MSI2: variants seen among roughly 807,000 people sequenced by gnomAD.
MSI2 encodes the protein musashi RNA binding protein 2.
Under a neutral mutation model 45.6 loss-of-function variants are expected in MSI2, and 17 were observed. The ratio of observed to expected loss-of-function variants is 0.37; its 90% CI spans 0.26 to 0.56. The LOEUF (loss-of-function observed/expected upper bound fraction) is 0.56, where lower values mean the gene tolerates loss of function less well. MSI2 is among the 20% of genes least tolerant of loss of function. The pLI, the probability that MSI2 is intolerant of heterozygous loss-of-function variation, is 0.77. For synonymous variants in MSI2, 156 were observed against 158.2 expected, an observed-to-expected ratio of 0.99 and a Z score of 0.11; for missense variants, 293 against 444.2, an observed-to-expected ratio of 0.66 and a Z score of 3.06.
At chr17:57,516,471 A>G (rs1176443130) in intron 6 of MSI2, among the ~76,000 whole-genome samples, 1 of 152,192 alleles carries the variant, frequency 6.6e-6, no homozygotes, top group African/African-American at 2.4e-5. Flanking sequence ...ATTGCATCAC[A>G]GTACATCAAG....
In MSI2 at chr17:57,652,033, C is replaced by T. The variant is rs1035129343; in HGVS notation, c.728-66C>T. The stretch of plus-strand genomic sequence containing the variant: ...GGGCGGGGGGTTGTGTGGCCCGTGA[C>T]CTAGGTCTGTGCCTGGCCCTTTCAA... On this transcript the variant is annotated intron_variant, in intron 10 of 13. Transcript: ENST00000284073. The surrounding 1 kb of genome is among the most constrained non-coding windows in gnomAD (Gnocchi z 4.1). The T allele has an allele frequency of 6.7e-6, 10 of 1,500,982 alleles. No homozygotes were observed. In the African/African-American group the frequency reaches 1.4e-4, roughly 21 times the overall value. The allele number at this position is 1,500,982 out of a possible 1,614,324, so 93.0% of individuals were successfully genotyped here. A position where few individuals can be genotyped will look rare whatever the true frequency, so the allele number is the denominator to read the frequency against.
At chr17:57,531,463 C>G (rs1219160960) in intron 7 of MSI2, among the ~76,000 whole-genome samples, 1 of 152,206 alleles carries the variant, frequency 6.6e-6, no homozygotes, top group East Asian at 1.9e-4. Context: ...AGCAGGGTCT[C>G]AGGACTATTG....
At chr17:57,276,185 A>C (rs973122198) in intron 5 of MSI2, among the ~76,000 whole-genome samples, 3 of 152,192 alleles carry the variant, frequency 2.0e-5, no homozygotes, top group African/African-American at 7.2e-5. Flanking sequence ...TTCTTGCCAC[A>C]ATCATTTTAA....
chr17:57,304,701 G>A (rs1911736629), intron 5 of MSI2, among the ~76,000 whole-genome samples: 1 of 152,120 alleles, frequency 6.6e-6, no homozygotes, highest in African/African-American at 2.4e-5. Context: ...TGGGATTACA[G>A]GTGTGAGCCA....
intron 6 of MSI2, among the ~76,000 whole-genome samples, chr17:57,434,640 AAGTG>A (rs2084659018): frequency 1.3e-5 from 2 of 152,244 alleles, no homozygotes; most frequent in South Asian, 4.2e-4. Flanking sequence ...TTCCACATGT[AAGTG>A]AGATCATGTA....
At chr17:57,291,402 C>G (rs1910405985) in intron 5 of MSI2, among the ~76,000 whole-genome samples, 1 of 152,118 alleles carries the variant, frequency 6.6e-6, no homozygotes, top group South Asian at 2.1e-4. Flanking sequence ...TAATACCGAG[C>G]AATAAATAAC....
chr17:57,576,729 G>A (rs1290217817), intron 7 of MSI2, among the ~76,000 whole-genome samples: 8 of 150,282 alleles, frequency 5.3e-5, no homozygotes, highest in African/African-American at 1.5e-4. Flanking sequence ...CTCCAGCCTG[G>A]GTGACAGAGC....
At chr17:57,267,635 A>C (rs1305823833) in intron 5 of MSI2, 1 of 151,508 alleles carries the variant, frequency 6.6e-6, no homozygotes, top group African/African-American at 2.4e-5. Context: ...GGGGAGATGT[A>C]GTTCATCATC....
At chr17:57,377,453 C>A (rs1037749352) in intron 5 of MSI2, among the ~76,000 whole-genome samples, 7 of 152,212 alleles carry the variant, frequency 4.6e-5, no homozygotes, top group Admixed American at 1.3e-4. Context: ...ATTTGGGGCT[C>A]TGCCCAGGTG....
At chr17:57,410,605 A>T (rs1410135305) in intron 6 of MSI2, among the ~76,000 whole-genome samples, 1 of 149,022 alleles carries the variant, frequency 6.7e-6, no homozygotes, top group African/African-American at 2.5e-5. Flanking sequence ...AAAAAAAAAG[A>T]AAAGAAAACC....
chr17:57,509,794 T>G lies in MSI2; in HGVS notation c.406-19882T>G, dbSNP rs187593167. Among the ~76,000 whole-genome samples the G allele has an allele frequency of 9.8e-4, 149 of 152,188 alleles. 1 individual carries two copies. Among genetic ancestry groups the G allele is most frequent in the African/African-American group, 3.4e-3 (141 of 41,424 alleles). The stretch of plus-strand genomic sequence containing the variant: ...CAAGCAAATGCAGTCCCCCCATGAT[T>G]AATTCAGTTGTCTCTACCACATGAC... On this transcript the variant is annotated intron_variant, in intron 6 of 13. Coordinates refer to ENST00000284073, the MANE Select transcript of MSI2 (RefSeq NM_138962.4).
chr17:57,626,333 C>T (rs1415815158), intron 9 of MSI2: 2 of 152,186 alleles, frequency 1.3e-5, no homozygotes, highest in African/African-American at 4.8e-5. Flanking sequence ...CTGAATCAGG[C>T]AGGGACTTGA....
In MSI2 at chr17:57,584,955, T is replaced by C. The variant is rs148269464; in HGVS notation, c.455-11913T>C. ...TACTCAGCCTCCTGAGTAGCTGGGA[T>C]TACAGTCATGCGCCACCACTCCTGG... On this transcript the variant is annotated intron_variant, in intron 7 of 13. Coordinates refer to ENST00000284073, the MANE Select transcript of MSI2 (RefSeq NM_138962.4). Among the ~76,000 whole-genome samples the C allele has an allele frequency of 5.8e-3, 885 of 152,078 alleles. 8 individuals carry two copies. The highest frequency in any genetic ancestry group is 0.02 in the African/African-American group (847 of 41,458).
the MSI2 span, among the ~76,000 whole-genome samples, chr17:57,698,819 GCATA>G: frequency 0.022 from 3,318 of 151,884 alleles, 57 homozygotes; most frequent in Non-Finnish European, 0.029. Context: ...CCCCTCAGCA[GCATA>G]GTTCCTCTCC....
chr17:57,391,669 G>A (rs1351443985), intron 5 of MSI2, among the ~76,000 whole-genome samples: 1 of 152,112 alleles, frequency 6.6e-6, no homozygotes, highest in Non-Finnish European at 1.5e-5. Flanking sequence ...GGAGTGACAG[G>A]CACAGATGGA....
At chr17:57,301,143 T>C (rs1021982535) in intron 5 of MSI2, among the ~76,000 whole-genome samples, 1 of 152,112 alleles carries the variant, frequency 6.6e-6, no homozygotes, top group African/African-American at 2.4e-5. Context: ...GTTAGTGAAG[T>C]GGTGTGGATA....
chr17:57,262,109 A>T (rs1370785092), intron 4 of MSI2, 42 bp from the exon 5 acceptor site: 2 of 1,606,276 alleles, frequency 1.2e-6, no homozygotes, highest in Admixed American at 3.3e-5. Flanking sequence ...TTTTTTCCTT[A>T]AAGTACTTTA....
At chr17:57,537,758 A>G (rs2086951980) in intron 7 of MSI2, among the ~76,000 whole-genome samples, 1 of 152,230 alleles carries the variant, frequency 6.6e-6, no homozygotes, top group Non-Finnish European at 1.5e-5. Flanking sequence ...CTTTGGAGAC[A>G]CGGAGTAATA....
chr17:57,538,899 ACTTAT>A (rs2086980235), intron 7 of MSI2, among the ~76,000 whole-genome samples: 1 of 152,158 alleles, frequency 6.6e-6, no homozygotes, highest in African/African-American at 2.4e-5. Context: ...TGGGCAACTT[ACTTAT>A]CTTCTCTGCA....
Sources: allele counts gnomAD v4.1 joint callset (sites outside exome capture counted in the v4.1 genomes callset), GRCh38; gene constraint gnomAD v4.1.1; non-coding constraint Gnocchi (gnomAD v3.1); transcripts MANE v1.5; gene names NCBI Gene and HGNC (gene_info 2026-07-23, HGNC 2026-07-21).